Variants in KIF1B observed in about 807,000 individuals in gnomAD.
KIF1B encodes kinesin-like protein KIF1B.
Under a neutral mutation model 241.9 loss-of-function variants are expected in KIF1B, and 76 were observed. The ratio of observed to expected loss-of-function variants is 0.31; its 90% CI spans 0.26 to 0.38. The LOEUF (loss-of-function observed/expected upper bound fraction) is 0.38, where lower values mean the gene tolerates loss of function less well. KIF1B is among the 10% of genes least tolerant of loss of function. The probability of loss-of-function intolerance (pLI) is 1.00; values close to 1 mark genes in which losing one functional copy is unlikely to be tolerated. For missense variants in KIF1B, 1,622 were observed against 2,271.4 expected, an observed-to-expected ratio of 0.71 and a Z score of 5.81; for synonymous variants, 750 against 796.7, an observed-to-expected ratio of 0.94 and a Z score of 0.99.
At chr1:10,312,642 T>G (rs1651119164) in intron 22 of KIF1B, among the ~76,000 whole-genome samples, 1 of 151,498 alleles carries the variant, frequency 6.6e-6, no homozygotes, top group Non-Finnish European at 1.5e-5. Flanking sequence ...CCCCTTTCCA[T>G]TTCAGGACCT....
chr1:10,271,629 G>A, intron 8 of KIF1B, 50 bp downstream of exon 8: 1 of 1,222,744 alleles, frequency 8.2e-7, no homozygotes, highest in Middle Eastern at 1.9e-4. Context: ...GCCACTACCT[G>A]TTTTTGTAAA....
intron 2 of KIF1B, among the ~76,000 whole-genome samples, chr1:10,250,484 G>A (rs1647377443): frequency 6.6e-6 from 1 of 151,866 alleles, no homozygotes; most frequent in African/African-American, 2.4e-5. Flanking sequence ...GGTTACAGGT[G>A]CCCACCACCA....
chr1:10,211,068 G>A (rs1465570510), intron 1 of KIF1B, among the ~76,000 whole-genome samples, 190 bp downstream of exon 1: 16 of 151,992 alleles, frequency 1.1e-4, no homozygotes, highest in Admixed American at 1.0e-3. Context: ...AGCGAGTCCC[G>A]GGCCGGCGTC....
intron 28 of KIF1B, among the ~76,000 whole-genome samples, chr1:10,335,556 C>T (rs909379945): frequency 4.6e-5 from 7 of 152,144 alleles, no homozygotes; most frequent in African/African-American, 1.7e-4. Flanking sequence ...CCAGCCTGGC[C>T]TAAATAATAT....
intron 1 of KIF1B, among the ~76,000 whole-genome samples, chr1:10,215,163 TATATATA>T (rs1317190411): frequency 1.2e-3 from 88 of 71,074 alleles, no homozygotes; most frequent in East Asian, 3.5e-3. Context: ...TATATATATA[TATATATA>T]TATTTTTTTT....
In KIF1B at chr1:10,216,911, C is replaced by T. The variant is rs1023812604; in HGVS notation, c.-80+6033C>T. 3.1e-4 allele frequency among the ~76,000 whole-genome samples: 46 copies of T among 146,868 alleles called. 2 individuals are homozygous for T. The highest frequency in any genetic ancestry group is 1.5e-5 in the Non-Finnish European group (1 of 67,498). ...AGCACTGTTCTAATCTGTAGGAACT[C>T]GCAGTATTGGTTACTCTTCTTTTCC... On this transcript the variant is annotated intron_variant, in intron 1 of 48. Transcript: ENST00000676179.
rs974526256 is a variant in KIF1B, at chr1:10,377,951, T to A, written c.*1364T>A. ...ACTCTGCCTCAGAAAAAAAAAAAAA[T>A]AATAATGCTGGGTAGTGACCTTGTG... On this transcript the variant is annotated 3_prime_UTR_variant, in exon 49 of 49. Coordinates refer to ENST00000676179, the MANE Select transcript of KIF1B (RefSeq NM_001365951.3). 32 of 220,006 alleles carry A rather than the reference T, an allele frequency of 1.5e-4. No individual in the cohort carries two copies. Among genetic ancestry groups the A allele is most frequent in the East Asian group, 2.8e-4 (4 of 14,266 alleles). 13.6% of individuals were successfully genotyped at this position (220,006 alleles called of 1,614,324 possible).
chr1:10,319,165 G>A (rs1258782193), intron 22 of KIF1B, among the ~76,000 whole-genome samples: 2 of 149,860 alleles, frequency 1.3e-5, no homozygotes, highest in African/African-American at 4.9e-5. Flanking sequence ...GCAGTGGCGC[G>A]ATCTCTGTTC....
intron 14 of KIF1B, among the ~76,000 whole-genome samples, chr1:10,280,423 A>G (rs1321164005): frequency 6.6e-6 from 1 of 151,770 alleles, no homozygotes. Flanking sequence ...TTTAATAGAG[A>G]TGGGGTTTCA....
In KIF1B at chr1:10,221,389, C is replaced by T. The variant is rs529681340; in HGVS notation, c.-80+10511C>T. 1.1e-3 allele frequency among the ~76,000 whole-genome samples: 171 copies of T among 152,248 alleles called. 1 individual carries two copies. The highest frequency in any genetic ancestry group is 3.9e-3 in the African/African-American group (164 of 41,556). The stretch of plus-strand genomic sequence containing the variant: ...CTGGGATTACAGGCATGAGCTATTG[C>T]GCCCGGCCTCCTTTTCTAATATATG... On this transcript the variant is annotated intron_variant, in intron 1 of 48. Transcript: ENST00000676179.
intron 15 of KIF1B, among the ~76,000 whole-genome samples, chr1:10,288,379 A>G (rs1473748620): frequency 6.6e-6 from 1 of 152,166 alleles, no homozygotes; most frequent in South Asian, 2.1e-4. Flanking sequence ...GCCCTCTAGT[A>G]TGACACTTTT....
chr1:10,304,389 C>T, intron 22 of KIF1B: 1 of 1,614,198 alleles, frequency 6.2e-7, no homozygotes, highest in South Asian at 1.1e-5. Flanking sequence ...AGGCATCTGC[C>T]TCCGCGGAGT....
chr1:10,223,546 G>GTTTTTTTTT (rs113574017), intron 1 of KIF1B, among the ~76,000 whole-genome samples: 5 of 131,246 alleles, frequency 3.8e-5, no homozygotes, highest in Non-Finnish European at 8.1e-5. Flanking sequence ...GTTTTGTTTT[G>GTTTTTTTTT]TTTTTTTTTT....
intron 22 of KIF1B, chr1:10,304,207 G>C (rs768540776): frequency 6.2e-7 from 1 of 1,614,182 alleles, no homozygotes; most frequent in Non-Finnish European, 8.5e-7. Flanking sequence ...CCAAGAAAAA[G>C]GGGGTAAAGG....
intron 38 of KIF1B, among the ~76,000 whole-genome samples, chr1:10,360,139 G>A (rs1284905660): frequency 1.3e-5 from 2 of 152,082 alleles, no homozygotes; most frequent in Non-Finnish European, 2.9e-5. Flanking sequence ...ATATATCTGT[G>A]GTGTTTCTGA....
intron 22 of KIF1B, among the ~76,000 whole-genome samples, chr1:10,309,385 A>G (rs947782214): frequency 7.2e-5 from 11 of 152,218 alleles, no homozygotes; most frequent in Non-Finnish European, 1.6e-4. Context: ...AGAAGATTAC[A>G]GTGTGATATG....
intron 45 of KIF1B, among the ~76,000 whole-genome samples, chr1:10,371,946 A>T (rs530792329): frequency 3.9e-4 from 59 of 151,994 alleles, no homozygotes; most frequent in African/African-American, 1.3e-3. Flanking sequence ...TAAAAAAAAT[A>T]AAAAAAAGAC....
chr1:10,307,933 C>T, intron 22 of KIF1B: 1 of 1,052,064 alleles, frequency 9.5e-7, no homozygotes, highest in African/African-American at 1.7e-5. Flanking sequence ...TGAATTATTT[C>T]TCTTTTCACT....
intron 2 of KIF1B, among the ~76,000 whole-genome samples, chr1:10,248,464 GTGC>G (rs1472091918): frequency 6.6e-6 from 1 of 152,142 alleles, no homozygotes; most frequent in Non-Finnish European, 1.5e-5. Context: ...GCCTCCCAAA[GTGC>G]TGAGATTACA....
Sources: gnomAD v4.1 joint callset for allele counts (sites outside exome capture counted in the v4.1 genomes callset) on GRCh38, gnomAD v4.1.1 for gene constraint, MANE v1.5 for transcripts, NCBI Gene and HGNC (gene_info 2026-07-23, HGNC 2026-07-21) for gene names.